The following YBEY variants were observed in gnomAD, a reference collection of about 807,000 sequenced individuals.
The protein encoded by YBEY is ybeY metalloendoribonuclease.
In YBEY, 15 loss-of-function variants were observed where a neutral mutation model predicts 13.5. The ratio of observed to expected loss-of-function variants is 1.11; its 90% confidence interval spans 0.75 to 1.72. The LOEUF (loss-of-function observed/expected upper bound fraction) is 1.72. Ranked by LOEUF, YBEY falls within the 40% of genes most tolerant of loss-of-function variation. The pLI, the probability that YBEY is intolerant of heterozygous loss-of-function variation, is 0.00. For missense variants in YBEY, 244 were observed against 208.4 expected, an observed-to-expected ratio of 1.17 and a Z score of -1.05; for synonymous variants, 101 against 83.1, an observed-to-expected ratio of 1.21 and a Z score of -1.17.
intron 4 of YBEY, 146 bp from the exon 5 acceptor site, chr21:46,297,393 G>C: frequency 4.0e-6 from 2 of 498,570 alleles, no homozygotes; most frequent in Non-Finnish European, 5.1e-6. Context: ...GCCCGGAGCC[G>C]GGTCCCGCCT....
intron 3 of YBEY, among the ~76,000 whole-genome samples, chr21:46,292,693 G>A (rs1302026772): frequency 1.4e-5 from 1 of 74,072 alleles, no homozygotes; most frequent in African/African-American, 5.7e-5. Flanking sequence ...GGACTCAGTG[G>A]GGACAGCCAC....
At position 46,289,445 on chromosome 21, in the gene YBEY, TG is replaced by T. The variant is rs71319920; in HGVS notation, c.211-1888del. Among the ~76,000 whole-genome samples, 10 of 133,944 alleles carry T rather than the reference TG, an allele frequency of 7.5e-5. 2 individuals carry two copies. The highest frequency in any genetic ancestry group is 5.0e-5 in the Non-Finnish European group (3 of 59,432). The allele number at this position is 133,944 out of a possible 152,430, so 87.9% of individuals were successfully genotyped here. ...GGGAGGTAAAGGAAGGCAAGGGTTT[TG>T]TTTTTTTTTTTTTTTTTGAGACGGA... On this transcript the variant is annotated intron_variant, in intron 2 of 4. Coordinates refer to ENST00000397701, the MANE Select transcript of YBEY (RefSeq NM_001314025.2).
chr21:46,286,591 C>T (rs1328917978), intron 1 of YBEY, 176 bp downstream of exon 1: 1 of 192,948 alleles, frequency 5.2e-6, no homozygotes, highest in East Asian at 1.5e-4. Context: ...CCGCACCCCG[C>T]CGCGTCCGCG....
intron 4 of YBEY, among the ~76,000 whole-genome samples, chr21:46,297,144 C>G (rs554196620): frequency 8.7e-4 from 130 of 148,974 alleles, no homozygotes; most frequent in African/African-American, 3.0e-3. Flanking sequence ...ACTAAAAACG[C>G]AAAGATTAGC....
At chr21:46,299,330 G>A (rs971577386), downstream of YBEY, among the ~76,000 whole-genome samples, 2 of 152,230 alleles carry the variant, frequency 1.3e-5, no homozygotes, top group East Asian at 1.9e-4. Flanking sequence ...CTGAGGAAGA[G>A]CCGCCCGTGG....
the YBEY span, chr21:46,313,133 T>C: frequency 3.4e-6 from 3 of 888,690 alleles, no homozygotes; most frequent in South Asian, 1.6e-4. Flanking sequence ...CACCGTCAGC[T>C]CTTGAGTTGG....
At chr21:46,303,739 A>ATATATG in the YBEY span, among the ~76,000 whole-genome samples, 1 of 28,232 alleles carries the variant, frequency 3.5e-5, no homozygotes, top group Non-Finnish European at 6.4e-5. Flanking sequence ...ATATATATAT[A>ATATATG]TATATATTTT....
the YBEY span, among the ~76,000 whole-genome samples, chr21:46,309,419 G>A: frequency 5.4e-5 from 8 of 148,408 alleles, no homozygotes; most frequent in East Asian, 1.0e-3. Flanking sequence ...CCGAGATTGC[G>A]CCACTTCACT....
chr21:46,309,136 T>C, the YBEY span, among the ~76,000 whole-genome samples: 2 of 152,048 alleles, frequency 1.3e-5, no homozygotes, highest in East Asian at 3.9e-4. Context: ...CTGGCCAACA[T>C]GGCGAAATCC....
chr21:46,299,105 T>A (rs1156303898), downstream of YBEY, among the ~76,000 whole-genome samples: 2 of 149,514 alleles, frequency 1.3e-5, no homozygotes, highest in South Asian at 2.1e-4. Flanking sequence ...TAGCTTGTAC[T>A]ACATGTGTGT....
the YBEY span, among the ~76,000 whole-genome samples, chr21:46,310,444 A>G: frequency 6.6e-6 from 1 of 150,958 alleles, no homozygotes; most frequent in Admixed American, 6.6e-5. Flanking sequence ...GCGCCATTGC[A>G]CTCCTATCTG....
chr21:46,312,102 A>G, the YBEY span, among the ~76,000 whole-genome samples: 2 of 151,980 alleles, frequency 1.3e-5, no homozygotes, highest in Admixed American at 6.6e-5. Context: ...CAACCAGCCA[A>G]CCATCTACCT....
the YBEY span, among the ~76,000 whole-genome samples, chr21:46,312,010 T>TCCATCCAC: frequency 2.3e-5 from 1 of 44,372 alleles, no homozygotes; most frequent in African/African-American, 9.0e-5. Context: ...CACCCACCCA[T>TCCATCCAC]CCATCCACCC....
chr21:46,291,359 A>C lies in YBEY; in HGVS notation c.236A>C (p.Gln79Pro), dbSNP rs749548510. The C allele has an allele frequency of 3.7e-6, 6 of 1,614,106 alleles. No individual in the cohort carries two copies. The highest frequency in any genetic ancestry group is 5.1e-6 in the Non-Finnish European group (6 of 1,180,006). ...HEHLKAGEFP[Q>P]PDFPDDYNLG... The stretch of plus-strand genomic sequence containing the variant: ...CATCTGAAAGCAGGTGAATTTCCCC[A>C]GCCTGATTTTCCAGATGACTACAAT... The change falls in exon 3 of 5, where the codon CAG becomes CCG. Residue 79 changes from glutamine (Q) to proline (P), a missense_variant. Gln to Pro is a moderately conservative substitution (Grantham distance 76). Coordinates refer to ENST00000397701, the MANE Select transcript of YBEY (RefSeq NM_001314025.2).
Position 46,291,418 on chromosome 21 carries a change from T to G in YBEY, c.295T>G (p.Phe99Val). ...GDIFLGVEYI[F>V]HQCKENEDYN... ...CATTTTCCTAGGAGTGGAGTATATC[T>G]TCCATCAGTGTAAAGAAAATGAAGA... The change falls in exon 3 of 5, where the codon TTC becomes GTC. Residue 99 changes from phenylalanine to valine, a missense_variant. Physicochemically the swap from Phe to Val is conservative, Grantham distance 50 (BLOSUM62 -1). Transcript: ENST00000397701. 6.2e-7 allele frequency: 1 copy of G among 1,614,152 alleles called. No individual in the cohort carries two copies. The highest frequency in any genetic ancestry group is 1.1e-5 in the South Asian group (1 of 91,070).
intron 2 of YBEY, among the ~76,000 whole-genome samples, chr21:46,290,155 G>GT (rs1416917189): frequency 6.6e-6 from 1 of 152,030 alleles, no homozygotes; most frequent in African/African-American, 2.4e-5. Flanking sequence ...TATTTGTCAG[G>GT]TTTTTTGGTT....
the YBEY span, among the ~76,000 whole-genome samples, chr21:46,303,900 C>T: frequency 2.7e-5 from 4 of 148,092 alleles, no homozygotes; most frequent in South Asian, 2.1e-4. Context: ...TACAGGTGCC[C>T]GCCACTGCGC....
chr21:46,302,933 T>C, the YBEY span, among the ~76,000 whole-genome samples: 34 of 145,274 alleles, frequency 2.3e-4, no homozygotes, highest in African/African-American at 7.9e-4. Flanking sequence ...ACGGTGCGGG[T>C]CCCCGGGGCG....
the YBEY span, chr21:46,311,725 A>G: frequency 1.7e-5 from 8 of 457,754 alleles, no homozygotes; most frequent in South Asian, 1.1e-4. Flanking sequence ...CCATCCACCC[A>G]TCCATCCAAC....
Sources: gnomAD v4.1 joint callset for allele counts (sites outside exome capture counted in the v4.1 genomes callset) on GRCh38, gnomAD v4.1.1 for gene constraint, MANE v1.5 for transcripts, NCBI Gene and HGNC (gene_info 2026-07-23, HGNC 2026-07-21) for gene names.